Variants in CACNA2D3 observed in about 807,000 individuals in gnomAD.
The protein encoded by CACNA2D3 is voltage-dependent calcium channel subunit alpha-2/delta-3.
In CACNA2D3, 60 loss-of-function variants were observed where a neutral mutation model predicts 160.6. That is an observed-to-expected ratio of 0.37 (90% confidence interval 0.30 to 0.46). The LOEUF is 0.46. Among genes scored for constraint, CACNA2D3 ranks in the 20% least tolerant of loss-of-function variants. The probability of loss-of-function intolerance (pLI) is 1.00; values close to 1 mark genes in which losing one functional copy is unlikely to be tolerated. For synonymous variants in CACNA2D3, 558 were observed against 492.9 expected (o/e 1.13, Z -1.75); for missense variants, 1,205 against 1,365.0 (o/e 0.88, Z 1.85).
At chr3:54,627,398 G>A (rs370802491) in intron 9 of CACNA2D3, among the ~76,000 whole-genome samples, 14 of 152,162 alleles carry the variant, frequency 9.2e-5, no homozygotes, top group African/African-American at 2.9e-4. Context: ...GGAGAGCCAG[G>A]GAATGGATTG....
At chr3:54,873,270 A>T (rs551649113) in intron 18 of CACNA2D3, among the ~76,000 whole-genome samples, 1 of 152,078 alleles carries the variant, frequency 6.6e-6, no homozygotes, top group Non-Finnish European at 1.5e-5. Flanking sequence ...TGACCTCCTC[A>T]GTCCTCAGGG....
chr3:54,809,072 T>TTG, intron 13 of CACNA2D3, among the ~76,000 whole-genome samples: 1 of 152,024 alleles, frequency 6.6e-6, no homozygotes, highest in Non-Finnish European at 1.5e-5. Flanking sequence ...ACCTCTAGAG[T>TTG]TCAGAGACGC....
rs368756434 is a variant in CACNA2D3 at position 55,046,022 on chromosome 3, T to A, written c.2988-27423T>A. ...TTCTTTCTAATATAAACATTTAATATTAGAAATTTTCTCTGAAGTACTTCT... is the reference window on the plus strand; with the variant it reads ...TTCTTTCTAATATAAACATTTAATAATAGAAATTTTCTCTGAAGTACTTCT... On this transcript the variant is annotated intron_variant, in intron 35 of 37. Transcript: ENST00000474759. Among the ~76,000 whole-genome samples the A allele has an allele frequency of 3.3e-5, 5 of 152,174 alleles. No homozygotes were observed. The East Asian group carries it at 7.7e-4, about 23-fold the overall frequency.
chr3:54,252,792 C>T (rs1186800660), intron 2 of CACNA2D3, among the ~76,000 whole-genome samples: 1 of 152,194 alleles, frequency 6.6e-6, no homozygotes, highest in South Asian at 2.1e-4. Flanking sequence ...CTAGAACCTG[C>T]AGTTGACCAA....
At chr3:54,641,026 G>C (rs1368948918) in intron 10 of CACNA2D3, among the ~76,000 whole-genome samples, 1 of 148,358 alleles carries the variant, frequency 6.7e-6, no homozygotes, top group Non-Finnish European at 1.5e-5. Context: ...CCTGTGATCT[G>C]TATTTGGATC....
intron 31 of CACNA2D3, among the ~76,000 whole-genome samples, chr3:54,988,589 C>T: frequency 6.6e-6 from 1 of 152,144 alleles, no homozygotes; most frequent in Non-Finnish European, 1.5e-5. Flanking sequence ...CAAGGATGGC[C>T]CTCCAGCTTC....
chr3:54,873,735 C>G (rs547479933), intron 18 of CACNA2D3, among the ~76,000 whole-genome samples: 1 of 152,318 alleles, frequency 6.6e-6, no homozygotes, highest in East Asian at 1.9e-4. Context: ...CTGGTTACGT[C>G]TTTGGTTTGA....
intron 35 of CACNA2D3, among the ~76,000 whole-genome samples, chr3:55,037,289 A>C (rs1475226105): frequency 6.6e-6 from 1 of 152,210 alleles, no homozygotes; most frequent in Non-Finnish European, 1.5e-5. Context: ...CACGATTAGG[A>C]GATGTGGTTA....
In CACNA2D3 at chr3:54,562,653, A is replaced by C; in HGVS notation, c.545-147A>C. On this transcript the variant is annotated intron_variant, in intron 5 of 37. Transcript: ENST00000474759. ...CCAGCATCTGGACACCCCAGGAGCT[A>C]AACGTTTTTGTGGCTATAACTTCCT... The C allele has an allele frequency of 8.3e-6, 5 of 601,578 alleles. No homozygotes were observed. In the East Asian group the frequency reaches 1.0e-4, roughly 12 times the overall value. 37.3% of individuals were successfully genotyped at this position (601,578 alleles called of 1,614,324 possible). A position where few individuals can be genotyped will look rare whatever the true frequency, so the allele number is the denominator to read the frequency against.
chr3:54,623,035 C>T (rs1251473167), intron 9 of CACNA2D3, among the ~76,000 whole-genome samples: 1 of 152,184 alleles, frequency 6.6e-6, no homozygotes, highest in African/African-American at 2.4e-5. Context: ...GAGGTATGGT[C>T]TCCGCAGCCA....
At chr3:54,503,096 G>A (rs925241095) in intron 4 of CACNA2D3, among the ~76,000 whole-genome samples, 7 of 152,136 alleles carry the variant, frequency 4.6e-5, no homozygotes, top group Non-Finnish European at 1.0e-4. Flanking sequence ...TCCATAGCAA[G>A]CATGATGATC....
In CACNA2D3 at chr3:55,025,862, G is replaced by T. The variant is rs113372087; in HGVS notation, c.2987+7545G>T. On this transcript the variant is annotated intron_variant, in intron 35 of 37. Coordinates refer to ENST00000474759, the MANE Select transcript of CACNA2D3 (RefSeq NM_018398.3). ...TTATTTCAAGACCACCACCTGGCAG[G>T]TCAGTCATACACTGCAGAAGCAGAA... Among the ~76,000 whole-genome samples the T allele has an allele frequency of 8.4e-3, 1,274 of 152,004 alleles. 22 individuals are homozygous for T. The highest frequency in any genetic ancestry group is 0.029 in the African/African-American group (1,199 of 41,470).
intron 17 of CACNA2D3, among the ~76,000 whole-genome samples, chr3:54,847,627 A>C (rs536818969): frequency 8.5e-5 from 13 of 152,386 alleles, no homozygotes; most frequent in African/African-American, 3.1e-4. Context: ...GCATGCTTTA[A>C]GATGGGCCTT....
intron 23 of CACNA2D3, among the ~76,000 whole-genome samples, chr3:54,887,151 C>T (rs1024967294): frequency 6.6e-6 from 1 of 152,078 alleles, no homozygotes. Context: ...CTTGGCCGAG[C>T]GTGGTGGCTC....
chr3:54,751,851 T>C (rs1701863136), intron 11 of CACNA2D3, among the ~76,000 whole-genome samples: 1 of 152,202 alleles, frequency 6.6e-6, no homozygotes, highest in Non-Finnish European at 1.5e-5. Flanking sequence ...CATACCATTT[T>C]AAATTGAATT....
chr3:55,008,888 TACAC>T (rs4024588), intron 33 of CACNA2D3, among the ~76,000 whole-genome samples: 3,458 of 142,956 alleles, frequency 0.024, 102 homozygotes, highest in African/African-American at 0.073. Flanking sequence ...CCTCCCTCTA[TACAC>T]ACACACACAC....
intron 3 of CACNA2D3, among the ~76,000 whole-genome samples, chr3:54,322,239 C>T (rs763840115): frequency 1.3e-5 from 2 of 152,258 alleles, no homozygotes; most frequent in Non-Finnish European, 2.9e-5. Context: ...AGTAGTGGAA[C>T]TGTCCCGAAT....
At chr3:55,003,200 A>G (rs144273200) in intron 31 of CACNA2D3, among the ~76,000 whole-genome samples, 79 of 152,326 alleles carry the variant, frequency 5.2e-4, no homozygotes, top group Middle Eastern at 6.8e-3. Context: ...GTAGAAGCAC[A>G]TGTATTAAAG....
intron 4 of CACNA2D3, among the ~76,000 whole-genome samples, chr3:54,393,606 A>G (rs1699320076): frequency 6.6e-6 from 1 of 152,230 alleles, no homozygotes. Context: ...GAGCTTAAGC[A>G]GAAGCAGCAC....
Sources: gnomAD v4.1 joint callset for allele counts (sites outside exome capture counted in the v4.1 genomes callset) on GRCh38, gnomAD v4.1.1 for gene constraint, MANE v1.5 for transcripts, NCBI Gene and HGNC (gene_info 2026-07-23, HGNC 2026-07-21) for gene names.